TMEM132C: variants seen among roughly 807,000 people sequenced by gnomAD.
The protein encoded by TMEM132C is protein phosphatase 1, regulatory subunit 152.
Under a neutral mutation model 61.4 loss-of-function variants are expected in TMEM132C, and 29 were observed. That is an observed-to-expected ratio of 0.47 (90% CI 0.35 to 0.64). The LOEUF (loss-of-function observed/expected upper bound fraction) is 0.64. Among genes scored for constraint, TMEM132C ranks in the 30% least tolerant of loss-of-function variants. The probability of loss-of-function intolerance (pLI) is 0.00; values close to 1 mark genes in which losing one functional copy is unlikely to be tolerated. For synonymous variants in TMEM132C, 656 were observed against 633.1 expected, an observed-to-expected ratio of 1.04 and a Z score of -0.54; for missense variants, 1,408 against 1,476.9, an observed-to-expected ratio of 0.95 and a Z score of 0.76.
Position 128,584,311 on chromosome 12 carries a change from A to G in TMEM132C, c.1122-31841A>G, listed in dbSNP as rs550990689. Reference sequence around the variant, plus strand: ...TGGAGTTCTATGCATGAAAGTTGCAATATCACTGGAGGACCCAGAGCACAT... The same window carrying G: ...TGGAGTTCTATGCATGAAAGTTGCAGTATCACTGGAGGACCCAGAGCACAT... On this transcript the variant is annotated intron_variant, in intron 3 of 8. Transcript: ENST00000435159. Among the ~76,000 whole-genome samples, 3 of 152,314 alleles carry G rather than the reference A, an allele frequency of 2.0e-5. No homozygotes were observed. In the South Asian group the frequency reaches 6.2e-4, roughly 32 times the overall value.
At position 128,695,924 on chromosome 12, in the gene TMEM132C, C is replaced by A; in HGVS notation, c.1750C>A (p.Gln584Lys). The change falls in exon 7 of 9, where the codon CAG (glutamine) becomes AAG (lysine). Residue 584 changes from glutamine to lysine, a missense_variant. Transcript: ENST00000435159. ...GCACGCCACCGTGCGGGTCCTCACC[C>A]AGTTTGTGTCTGAGGGCGCCGGTCC... is the stretch of plus-strand genomic sequence containing the variant. ...YQHATVRVLTQFVSEGAGPWG... is the reference protein window; with the variant it reads ...YQHATVRVLTKFVSEGAGPWG... 6.4e-7 allele frequency: 1 copy of A among 1,551,756 alleles called. No homozygotes were observed. Among genetic ancestry groups the A allele is most frequent in the Non-Finnish European group, 8.7e-7 (1 of 1,147,012 alleles).
At chr12:128,606,925 A>T (rs1471245775) in intron 3 of TMEM132C, among the ~76,000 whole-genome samples, 2 of 152,338 alleles carry the variant, frequency 1.3e-5, no homozygotes, top group Admixed American at 6.5e-5. Context: ...CAGTAAACAA[A>T]GCAAGTTTTT....
At chr12:128,668,298 A>T (rs1190668130) in intron 4 of TMEM132C, among the ~76,000 whole-genome samples, 3 of 151,870 alleles carry the variant, frequency 2.0e-5, no homozygotes, top group African/African-American at 4.8e-5. Flanking sequence ...GGAAGGGGAG[A>T]TGAAGGGGGA....
At chr12:128,295,175 A>G (rs1225236915) in intron 1 of TMEM132C, among the ~76,000 whole-genome samples, 1 of 152,130 alleles carries the variant, frequency 6.6e-6, no homozygotes, top group Non-Finnish European at 1.5e-5. Flanking sequence ...CTAGAAATAA[A>G]TTTATATTAT....
intron 3 of TMEM132C, among the ~76,000 whole-genome samples, chr12:128,553,866 G>A (rs995100403): frequency 6.6e-6 from 1 of 152,214 alleles, no homozygotes; most frequent in African/African-American, 2.4e-5. Context: ...AAGAGGCAGG[G>A]AGCCAGGAAT....
intron 1 of TMEM132C, among the ~76,000 whole-genome samples, chr12:128,378,957 C>G (rs954241100): frequency 1.3e-5 from 2 of 152,206 alleles, no homozygotes; most frequent in Non-Finnish European, 2.9e-5. Flanking sequence ...ATTTCTCCTG[C>G]CTGTCACCAT....
In TMEM132C at chr12:128,544,016, G is replaced by T; in HGVS notation, c.1034G>T (p.Trp345Leu). The T allele has an allele frequency of 6.5e-7, 1 of 1,549,122 alleles. No homozygotes were observed. Among genetic ancestry groups the T allele is most frequent in the Non-Finnish European group, 8.7e-7 (1 of 1,145,908 alleles). ...GCTCAGACCCGTGAGCCCCGGCAGTGGGGCGTCAAGCAGGAGGTGGGCAGC... is the reference window on the plus strand; with the variant it reads ...GCTCAGACCCGTGAGCCCCGGCAGTTGGGCGTCAAGCAGGAGGTGGGCAGC... Reference protein sequence around the residue: ...LSAQTREPRQWGVKQEVGSGG... With the variant: ...LSAQTREPRQLGVKQEVGSGG... The change falls in exon 3 of 9, where the codon TGG (tryptophan) becomes TTG (leucine). Residue 345 changes from tryptophan to leucine, a missense_variant. By Grantham distance (61) the Trp-to-Leu change is moderately conservative. Transcript: ENST00000435159.
intron 4 of TMEM132C, among the ~76,000 whole-genome samples, chr12:128,626,858 A>G (rs1229254866): frequency 6.6e-6 from 1 of 152,124 alleles, no homozygotes; most frequent in African/African-American, 2.4e-5. Context: ...CTAGCTAGAG[A>G]TGCCCACGAC....
chr12:128,296,971 C>T (rs1169387568), intron 1 of TMEM132C, among the ~76,000 whole-genome samples: 1 of 152,156 alleles, frequency 6.6e-6, no homozygotes, highest in Admixed American at 6.5e-5. Flanking sequence ...CACCAAAACA[C>T]ACCCCGTGAT....
chr12:128,556,360 A>T (rs1305673451), intron 3 of TMEM132C, among the ~76,000 whole-genome samples: 1 of 152,202 alleles, frequency 6.6e-6, no homozygotes, highest in Non-Finnish European at 1.5e-5. Flanking sequence ...GTGAAAGCTG[A>T]TGTGTAGGAC....
chr12:128,399,299 G>A (rs1304635654), intron 1 of TMEM132C, among the ~76,000 whole-genome samples: 4 of 152,140 alleles, frequency 2.6e-5, no homozygotes, highest in Admixed American at 2.6e-4. Flanking sequence ...TAAAGAACAG[G>A]AATGGTGTCC....
intron 1 of TMEM132C, among the ~76,000 whole-genome samples, chr12:128,337,277 C>G (rs545442278): frequency 6.6e-6 from 1 of 151,894 alleles, no homozygotes; most frequent in Non-Finnish European, 1.5e-5. Context: ...GGGAATGACT[C>G]GATAAGAATA....
intron 1 of TMEM132C, among the ~76,000 whole-genome samples, chr12:128,323,700 G>A (rs1156784093): frequency 6.6e-6 from 1 of 152,120 alleles, no homozygotes; most frequent in Admixed American, 6.5e-5. Context: ...GTGGCCAATG[G>A]CAGTGGAGAA....
At chr12:128,641,476 G>A (rs1050079945) in intron 4 of TMEM132C, among the ~76,000 whole-genome samples, 1 of 152,212 alleles carries the variant, frequency 6.6e-6, no homozygotes, top group African/African-American at 2.4e-5. Context: ...CCAATGGCAA[G>A]TGTCCTCATA....
chr12:128,508,625 C>T (rs777818759), intron 2 of TMEM132C, among the ~76,000 whole-genome samples: 11 of 152,194 alleles, frequency 7.2e-5, no homozygotes, highest in African/African-American at 2.4e-4. Flanking sequence ...GCCGTGGCTC[C>T]GGATGCCACC....
intron 3 of TMEM132C, among the ~76,000 whole-genome samples, chr12:128,593,401 C>G (rs775721977): frequency 1.3e-5 from 2 of 152,214 alleles, no homozygotes; most frequent in African/African-American, 2.4e-5. Context: ...CTCAGTGGAG[C>G]TGGAGCTGGT....
At chr12:128,306,786 G>A (rs1169692948) in intron 1 of TMEM132C, among the ~76,000 whole-genome samples, 3 of 152,124 alleles carry the variant, frequency 2.0e-5, no homozygotes, top group Admixed American at 6.5e-5. Flanking sequence ...AAAAATGAAA[G>A]AATCAGTGAT....
At chr12:128,600,181 A>T (rs1414901507) in intron 3 of TMEM132C, among the ~76,000 whole-genome samples, 1 of 151,982 alleles carries the variant, frequency 6.6e-6, no homozygotes, top group African/African-American at 2.4e-5. Flanking sequence ...ACGAGGTTTC[A>T]CCGTGTTAGC....
chr12:128,378,167 T>G (rs952578251), intron 1 of TMEM132C, among the ~76,000 whole-genome samples: 11 of 151,166 alleles, frequency 7.3e-5, no homozygotes, highest in Non-Finnish European at 1.3e-4. Context: ...CAGGCTGGAG[T>G]GCAGTGGCGC....
Sources: gnomAD v4.1 joint callset for allele counts (sites outside exome capture counted in the v4.1 genomes callset) on GRCh38, gnomAD v4.1.1 for gene constraint, MANE v1.5 for transcripts, NCBI Gene and HGNC (gene_info 2026-07-23, HGNC 2026-07-21) for gene names.